The following SRSF10 variants were observed in gnomAD, a reference collection of about 807,000 sequenced individuals.
SRSF10 encodes the protein serine and arginine rich splicing factor 10.
A neutral mutation model predicts 32.6 loss-of-function variants in SRSF10; 9 were observed. That is an observed-to-expected ratio of 0.28 (90% CI 0.17 to 0.48). SRSF10 has a LOEUF of 0.48. SRSF10 is among the 20% of genes least tolerant of loss of function. SRSF10 has a pLI of 0.99. For missense variants in SRSF10, 201 were observed against 331.8 expected (o/e 0.61, Z 3.06); for synonymous variants, 105 against 112.4 (o/e 0.93, Z 0.42).
rs1641364521 is a variant in SRSF10, at chr1:23,964,573, A to C, written c.*6569T>G. On this transcript the variant is annotated 3_prime_UTR_variant, in exon 6 of 6. Transcript: ENST00000492112. ...GAATCCAGGTCCAAAACCTATCCTT[A>C]AGCTTAAAATAAATACTAATAAACT... 6.6e-6 allele frequency among the ~76,000 whole-genome samples: 1 copy of C among 151,962 alleles called. No individual in the cohort carries two copies. The highest frequency in any genetic ancestry group is 2.4e-5 in the African/African-American group (1 of 41,414).
rs1388775854 is a variant in SRSF10 at position 23,965,527 on chromosome 1, C to A, written c.*5615G>T. ...TGGGTATTCTACAAAGGACAATTTT[C>A]TCATCTGTAAAATGGGAATAATACC... On this transcript the variant is annotated 3_prime_UTR_variant, in exon 6 of 6. Transcript: ENST00000492112. The A allele has an allele frequency of 1.3e-5, 2 of 151,956 alleles. No individual in the cohort carries two copies. Among genetic ancestry groups the A allele is most frequent in the African/African-American group, 4.8e-5 (2 of 41,424 alleles). 9.4% of individuals were successfully genotyped at this position (151,956 alleles called of 1,614,324 possible). A position where few individuals can be genotyped will look rare whatever the true frequency, so the allele number is the denominator to read the frequency against.
Position 23,967,633 on chromosome 1 carries a change from A to G in SRSF10, c.*3509T>C. The G allele has an allele frequency of 7.3e-7, 1 of 1,378,166 alleles. No individual in the cohort carries two copies. The highest frequency in any genetic ancestry group is 1.0e-6 in the Non-Finnish European group (1 of 966,344). 85.4% of individuals were successfully genotyped at this position (1,378,166 alleles called of 1,614,324 possible). On this transcript the variant is annotated 3_prime_UTR_variant, in exon 6 of 6. Coordinates refer to ENST00000492112, the MANE Select transcript of SRSF10 (RefSeq NM_054016.4). ...CTTCCACCCACCCTTTGGTCGCTTG[A>G]ACTGCCCTTCTTTGGTTCTTTTTCC...
Position 23,978,770 on chromosome 1 carries a change from T to C in SRSF10, c.113A>G (p.Asp38Gly). The C allele has an allele frequency of 6.2e-7, 1 of 1,613,108 alleles. No homozygotes were observed. Among genetic ancestry groups the C allele is most frequent in the Non-Finnish European group, 8.5e-7 (1 of 1,179,478 alleles). Residue 38 changes from aspartate to glycine, a missense_variant, in exon 2 of 6, where the codon GAT (aspartate) becomes GGT (glycine). Physicochemically the swap from Asp to Gly is moderately conservative, Grantham distance 94. This residue lies in a region of SRSF10 where 41 missense variants were observed against 109.5 expected (regional missense o/e 0.37). Coordinates refer to ENST00000492112, the MANE Select transcript of SRSF10 (RefSeq NM_054016.4). ...REFGRYGPIV[D>G]VYVPLDFYTR... ...GTAGAAATCAAGTGGAACATACACA[T>C]CAACTATAGGACCATAACGACCAAA...
rs995150557 is a variant in SRSF10, at chr1:23,980,055, T to C, written c.65+136A>G. On this transcript the variant is annotated intron_variant, in intron 1 of 5. Coordinates refer to ENST00000492112, the MANE Select transcript of SRSF10 (RefSeq NM_054016.4). ...GGCTGAGGCCCGCTGCGCGGCCTAGTTCGGCGCCAAAGCGGGCGCGGGACC... is the reference window on the plus strand; with the variant it reads ...GGCTGAGGCCCGCTGCGCGGCCTAGCTCGGCGCCAAAGCGGGCGCGGGACC... The C allele has an allele frequency of 4.1e-4, 403 of 977,228 alleles. 1 individual carries two copies. The African/African-American group carries it at 5.8e-3, about 14-fold the overall frequency. 60.5% of individuals were successfully genotyped at this position (977,228 alleles called of 1,614,324 possible).
intron 2 of SRSF10, chr1:23,977,585 C>T (rs909981532): frequency 3.8e-4 from 58 of 152,320 alleles, no homozygotes; most frequent in African/African-American, 1.3e-3. Flanking sequence ...CCAGTGCATG[C>T]ACCTGTCTCT....
chr1:23,971,110 T>C lies in SRSF10; in HGVS notation c.*32A>G, dbSNP rs1298956274. 7.8e-5 allele frequency: 122 copies of C among 1,560,442 alleles called. No individual in the cohort carries two copies. In the Middle Eastern group the frequency reaches 8.6e-4, roughly 11 times the overall value. ...AACCAAACTATGAGTAAATGAATGA[T>C]ACATGCCTAAAAATGACCATGGTTT... On this transcript the variant is annotated 3_prime_UTR_variant, in exon 6 of 6. Coordinates refer to ENST00000492112, the MANE Select transcript of SRSF10 (RefSeq NM_054016.4).
rs1482580971 is a variant in SRSF10, at chr1:23,966,941, G to C, written c.*4201C>G. ...TCAAACAAAACAATGAGGCCATACT[G>C]TAATGATTCACTAGATTGTGCTCAG... On this transcript the variant is annotated 3_prime_UTR_variant, in exon 6 of 6. Transcript: ENST00000492112. 6.6e-6 allele frequency: 1 copy of C among 152,014 alleles called. No homozygotes were observed. Among genetic ancestry groups the C allele is most frequent in the Non-Finnish European group, 1.5e-5 (1 of 67,924 alleles). 9.4% of individuals were successfully genotyped at this position (152,014 alleles called of 1,614,324 possible).
In SRSF10 at chr1:23,968,690, T is replaced by C. The variant is rs917481696; in HGVS notation, c.*2452A>G. On this transcript the variant is annotated 3_prime_UTR_variant, in exon 6 of 6. Transcript: ENST00000492112. ...ATTAGTTGCTCATCAACATTCAATT[T>C]AAAATGATTTAAAATCATGTCATAA... Among the ~76,000 whole-genome samples the C allele has an allele frequency of 3.3e-5, 5 of 152,204 alleles. No individual in the cohort carries two copies. The highest frequency in any genetic ancestry group is 3.3e-4 in the Admixed American group (5 of 15,288).
chr1:23,978,940 A>T, intron 1 of SRSF10, 123 bp from the exon 2 acceptor site: 1 of 746,918 alleles, frequency 1.3e-6, no homozygotes, highest in South Asian at 2.4e-5. Context: ...TGCAGTTTAC[A>T]TTAACAGGAC....
chr1:23,979,676 C>T (rs1301479766), intron 1 of SRSF10, among the ~76,000 whole-genome samples: 1 of 152,206 alleles, frequency 6.6e-6, no homozygotes, highest in Non-Finnish European at 1.5e-5. Flanking sequence ...CTCAACGCTC[C>T]CTTTCTCCAA....
chr1:23,973,969 A>G (rs1168105414), intron 3 of SRSF10, among the ~76,000 whole-genome samples: 1 of 150,346 alleles, frequency 6.7e-6, no homozygotes, highest in Non-Finnish European at 1.5e-5. Context: ...AGTACTCAAG[A>G]GCTCCTCCTC....
chr1:23,974,910 TA>T (rs544220117), intron 3 of SRSF10, 63 bp downstream of exon 3: 357 of 1,229,472 alleles, frequency 2.9e-4, no homozygotes, highest in Non-Finnish European at 3.6e-4. Flanking sequence ...CTTAAATTCT[TA>T]AAAAAAAATC....
rs1196716938 is a variant in SRSF10 at position 23,965,689 on chromosome 1, T to A, written c.*5453A>T. On this transcript the variant is annotated 3_prime_UTR_variant, in exon 6 of 6. Coordinates refer to ENST00000492112, the MANE Select transcript of SRSF10 (RefSeq NM_054016.4). The stretch of plus-strand genomic sequence containing the variant: ...CAGAAGAGATCCTAAAGCAATTCAT[T>A]CAACAGATGCAAAAATTAAAGGGCC... The A allele has an allele frequency of 6.6e-6, 1 of 151,950 alleles. No individual in the cohort carries two copies. The highest frequency in any genetic ancestry group is 2.4e-5 in the African/African-American group (1 of 41,422). 9.4% of individuals were successfully genotyped at this position (151,950 alleles called of 1,614,324 possible). A position where few individuals can be genotyped will look rare whatever the true frequency, so the allele number is the denominator to read the frequency against.
Position 23,967,878 on chromosome 1 carries a change from C to T in SRSF10, c.*3264G>A. ...CCCAGGTCTTTCCCCTGGGATGTAA[C>T]TTAACAGCTCATACTCTATGTAGCA... On this transcript the variant is annotated 3_prime_UTR_variant, in exon 6 of 6. Transcript: ENST00000492112. 3 of 1,547,208 alleles carry T rather than the reference C, an allele frequency of 1.9e-6. No homozygotes were observed. The highest frequency in any genetic ancestry group is 2.6e-6 in the Non-Finnish European group (3 of 1,146,018).
chr1:23,974,871 C>A, intron 3 of SRSF10, 103 bp downstream of exon 3: 1 of 848,364 alleles, frequency 1.2e-6, no homozygotes, highest in South Asian at 1.5e-5. Context: ...AAAAAGATCC[C>A]TTTGGGTTTT....
chr1:23,973,994 T>C (rs1269740463), intron 3 of SRSF10, among the ~76,000 whole-genome samples: 2 of 5,730 alleles, frequency 3.5e-4, no homozygotes, highest in Non-Finnish European at 1.9e-3. Flanking sequence ...CAGCAGCTAT[T>C]TTTTTTTTTT....
At chr1:23,978,014 T>C in intron 2 of SRSF10, 1 of 985,454 alleles carries the variant, frequency 1.0e-6, no homozygotes, top group Non-Finnish European at 1.2e-6. Flanking sequence ...CTTGGCCAAA[T>C]ATGACAGATG....
Position 23,971,439 on chromosome 1 carries a change from T to C in SRSF10, c.492A>G (p.Arg164=). ...RRSRSHSDND[R]FKHRNRSFSR... ...AAAAAGATCGATTTCGGTGTTTGAA[T>C]CTTTCAAAACAGAGGAGAGATATAA... The change falls in exon 6 of 6, where the codon AGA becomes AGG. Residue 164 remains arginine (R), a splice_region_variant and synonymous_variant. Coordinates refer to ENST00000492112, the MANE Select transcript of SRSF10 (RefSeq NM_054016.4). The C allele has an allele frequency of 6.2e-7, 1 of 1,607,902 alleles. No homozygotes were observed.
At chr1:23,979,065 T>G (rs1382159675) in intron 1 of SRSF10, 3 of 230,708 alleles carry the variant, frequency 1.3e-5, no homozygotes, top group South Asian at 1.7e-4. Flanking sequence ...TTGTTTTTTT[T>G]TTTTTTTTTA....
Sources: gnomAD v4.1 joint callset for allele counts (sites outside exome capture counted in the v4.1 genomes callset) on GRCh38, gnomAD v4.1.1 for gene constraint, gnomAD v4.1.1 regional missense constraint, MANE v1.5 for transcripts, NCBI Gene and HGNC (gene_info 2026-07-23, HGNC 2026-07-21) for gene names.